VEPH1: variants seen among roughly 807,000 people sequenced by gnomAD.
The protein encoded by VEPH1 is ventricular zone-expressed PH domain-containing protein homolog 1.
VEPH1 carries 80 observed loss-of-function variants against 85.2 expected under a neutral mutation model. The ratio of observed to expected loss-of-function variants is 0.94; its 90% CI spans 0.78 to 1.13. The LOEUF (loss-of-function observed/expected upper bound fraction) is 1.13, where lower values mean the gene tolerates loss of function less well. Among genes scored for constraint, VEPH1 ranks in the 50% most tolerant of loss-of-function variants. The pLI is 0.00. For synonymous variants in VEPH1, 297 were observed against 348.0 expected, an observed-to-expected ratio of 0.85 and a Z score of 1.63; for missense variants, 955 against 980.5, an observed-to-expected ratio of 0.97 and a Z score of 0.35.
chr3:157,413,491 G>A (rs1731674470), intron 6 of VEPH1: 1 of 985,244 alleles, frequency 1.0e-6, no homozygotes, highest in African/African-American at 1.7e-5. Context: ...AACCTGAAAT[G>A]AGATACAGCT....
chr3:157,408,704 G>A (rs1324333367), intron 6 of VEPH1, among the ~76,000 whole-genome samples: 2 of 152,134 alleles, frequency 1.3e-5, no homozygotes. Flanking sequence ...GGACTGGGAA[G>A]AACTCACAGA....
rs889543502 is a variant in VEPH1, at chr3:157,260,634, T to C, written c.*500A>G. 2.6e-5 allele frequency: 4 copies of C among 152,438 alleles called. No homozygotes were observed. The highest frequency in any genetic ancestry group is 6.6e-5 in the Admixed American group (1 of 15,266). The allele number at this position is 152,438 out of a possible 1,614,324, so 9.4% of individuals were successfully genotyped here. ...TAAGAGAGGATCATGTAATTATATG[T>C]CTATAAGTAAGTTATATGGTTTTTC... is the stretch of plus-strand genomic sequence containing the variant. On this transcript the variant is annotated 3_prime_UTR_variant, in exon 14 of 14. Transcript: ENST00000362010.
At chr3:157,379,860 A>G (rs150885820) in intron 7 of VEPH1, among the ~76,000 whole-genome samples, 41 of 152,318 alleles carry the variant, frequency 2.7e-4, no homozygotes, top group Non-Finnish European at 4.7e-4. Flanking sequence ...ATATTTAACC[A>G]GTATCTGAGC....
chr3:157,362,038 T>A (rs184488688), intron 9 of VEPH1, among the ~76,000 whole-genome samples: 67 of 152,242 alleles, frequency 4.4e-4, no homozygotes, highest in African/African-American at 1.6e-3. Flanking sequence ...TTTATTTTTT[T>A]TTTGGGTGGG....
intron 6 of VEPH1, among the ~76,000 whole-genome samples, chr3:157,386,983 T>C (rs1729371079): frequency 6.6e-6 from 1 of 152,198 alleles, no homozygotes; most frequent in African/African-American, 2.4e-5. Flanking sequence ...GAACTCAGGA[T>C]CAGGAGTCAA....
chr3:157,314,047 AC>A (rs958885532), intron 10 of VEPH1, among the ~76,000 whole-genome samples: 1 of 151,792 alleles, frequency 6.6e-6, no homozygotes, highest in African/African-American at 2.4e-5. Flanking sequence ...AAAAAATTAA[AC>A]GAGGCCGAGC....
chr3:157,382,170 T>C (rs1007743901), intron 6 of VEPH1, among the ~76,000 whole-genome samples: 1 of 152,212 alleles, frequency 6.6e-6, no homozygotes, highest in Non-Finnish European at 1.5e-5. Context: ...TTAAGCATCT[T>C]TCAGTGTATT....
intron 4 of VEPH1, among the ~76,000 whole-genome samples, chr3:157,447,594 CT>C (rs10719525): frequency 0.12 from 16,008 of 132,962 alleles, 1,394 homozygotes; most frequent in African/African-American, 0.29. Flanking sequence ...TGCTTCCAAT[CT>C]TTTTTTTTTT....
At chr3:157,464,494 T>C (rs1448993938) in intron 3 of VEPH1, among the ~76,000 whole-genome samples, 1 of 152,216 alleles carries the variant, frequency 6.6e-6, no homozygotes, top group Non-Finnish European at 1.5e-5. Context: ...TCAGTGCAGA[T>C]GTGAGCATGT....
chr3:157,479,188 CA>C (rs1466811436), intron 2 of VEPH1, among the ~76,000 whole-genome samples: 1 of 152,116 alleles, frequency 6.6e-6, no homozygotes, highest in Non-Finnish European at 1.5e-5. Context: ...TTGGGCTCGA[CA>C]TTGGGTCAGT....
At chr3:157,425,313 G>T (rs1732677069) in intron 5 of VEPH1, among the ~76,000 whole-genome samples, 1 of 152,216 alleles carries the variant, frequency 6.6e-6, no homozygotes, top group Admixed American at 6.5e-5. Flanking sequence ...GGGCTTTCAT[G>T]GAGAACCTCT....
intron 2 of VEPH1, among the ~76,000 whole-genome samples, chr3:157,473,706 A>G (rs989978435): frequency 3.3e-5 from 5 of 152,180 alleles, no homozygotes; most frequent in African/African-American, 9.7e-5. Context: ...CAAGGTTTAC[A>G]TATTTGATTT....
At chr3:157,315,171 G>A (rs1720608693) in intron 10 of VEPH1, among the ~76,000 whole-genome samples, 1 of 152,118 alleles carries the variant, frequency 6.6e-6, no homozygotes, top group Non-Finnish European at 1.5e-5. Context: ...TGGTTTGTAT[G>A]TACAAAGCTT....
chr3:157,271,143 A>G (rs1343846940), intron 12 of VEPH1, among the ~76,000 whole-genome samples: 1 of 152,174 alleles, frequency 6.6e-6, no homozygotes, highest in Non-Finnish European at 1.5e-5. Flanking sequence ...GGAGAAGTCA[A>G]TTCAAGGCTT....
intron 5 of VEPH1, among the ~76,000 whole-genome samples, chr3:157,424,230 C>T (rs1456035352): frequency 6.6e-6 from 1 of 152,198 alleles, no homozygotes; most frequent in Non-Finnish European, 1.5e-5. Flanking sequence ...TCTCTTACTG[C>T]CACCATGTAA....
chr3:157,263,712 A>G (rs1713224250), intron 13 of VEPH1, among the ~76,000 whole-genome samples: 1 of 152,214 alleles, frequency 6.6e-6, no homozygotes, highest in Non-Finnish European at 1.5e-5. Context: ...AGTAGGTATC[A>G]CAAAAAATAT....
chr3:157,418,956 C>T (rs1308044274), intron 5 of VEPH1, among the ~76,000 whole-genome samples: 2 of 152,094 alleles, frequency 1.3e-5, no homozygotes, highest in Non-Finnish European at 2.9e-5. Context: ...GTAACCAAAA[C>T]GGCAGAGTAC....
intron 6 of VEPH1, among the ~76,000 whole-genome samples, chr3:157,389,658 GATAGATAGATA>G (rs1729661298): frequency 6.6e-6 from 1 of 151,530 alleles, no homozygotes; most frequent in South Asian, 2.1e-4. Context: ...TAGATAGATA[GATAGATAGATA>G]GATAGATAGA....
chr3:157,456,867 G>A (rs1254789684), intron 4 of VEPH1, among the ~76,000 whole-genome samples: 1 of 151,856 alleles, frequency 6.6e-6, no homozygotes, highest in African/African-American at 2.4e-5. Flanking sequence ...GCTCTTTTTT[G>A]GTTCCATATG....
Sources: allele counts gnomAD v4.1 joint callset (sites outside exome capture counted in the v4.1 genomes callset), GRCh38; gene constraint gnomAD v4.1.1; transcripts MANE v1.5; gene names NCBI Gene and HGNC (gene_info 2026-07-23, HGNC 2026-07-21).